Variants in PPP1R12B observed in about 807,000 individuals in gnomAD.
PPP1R12B encodes protein phosphatase 1 regulatory subunit 12B.
A neutral mutation model predicts 126.1 loss-of-function variants in PPP1R12B; 76 were observed. The ratio of observed to expected loss-of-function variants is 0.60; its 90% CI spans 0.50 to 0.73. The LOEUF (loss-of-function observed/expected upper bound fraction) is 0.73. PPP1R12B is among the 30% of genes least tolerant of loss of function. The pLI is 0.00. For missense variants in PPP1R12B, 1,052 were observed against 1,205.1 expected (o/e 0.87, Z 1.88); for synonymous variants, 356 against 434.7 (o/e 0.82, Z 2.25).
Position 202,480,292 on chromosome 1 carries a change from A to G in PPP1R12B, c.1851-8241A>G, listed in dbSNP as rs1459275088. On this transcript the variant is annotated intron_variant, in intron 13 of 23. Transcript: ENST00000608999. Reference sequence around the variant, plus strand: ...GCTAAAGAAATGATTAGTGAACTGAAAGATTGGACAGTAGAAAATATCCAG... The same window carrying G: ...GCTAAAGAAATGATTAGTGAACTGAGAGATTGGACAGTAGAAAATATCCAG... Among the ~76,000 whole-genome samples the G allele has an allele frequency of 2.0e-5, 3 of 152,208 alleles. No homozygotes were observed. In the East Asian group the frequency reaches 5.8e-4, roughly 29 times the overall value.
chr1:202,555,431 C>T (rs139956454), intron 18 of PPP1R12B, among the ~76,000 whole-genome samples: 38 of 132,656 alleles, frequency 2.9e-4, no homozygotes, highest in African/African-American at 1.0e-3. Context: ...TAAAATCTTA[C>T]CCAACAAATA....
intron 1 of PPP1R12B, among the ~76,000 whole-genome samples, chr1:202,383,095 A>C (rs1416673426): frequency 2.0e-5 from 3 of 152,218 alleles, no homozygotes; most frequent in Admixed American, 6.5e-5. Context: ...AAGTCAATTA[A>C]GTTTGCAATT....
At chr1:202,553,679 G>T (rs1477626237) in intron 18 of PPP1R12B, among the ~76,000 whole-genome samples, 6 of 152,166 alleles carry the variant, frequency 3.9e-5, no homozygotes, top group African/African-American at 1.4e-4. Flanking sequence ...CGCATTCCTA[G>T]CCTCTAAAGG....
intron 1 of PPP1R12B, among the ~76,000 whole-genome samples, chr1:202,395,591 A>G (rs1664855065): frequency 6.6e-6 from 1 of 152,194 alleles, no homozygotes; most frequent in African/African-American, 2.4e-5. Flanking sequence ...TGTCACCTAT[A>G]TCTGCTCCTC....
At chr1:202,439,188 AC>A in intron 10 of PPP1R12B, 2 of 1,527,242 alleles carry the variant, frequency 1.3e-6, no homozygotes, top group Non-Finnish European at 1.8e-6. Flanking sequence ...CTGAAGCTCG[AC>A]CACTACTGCG....
At chr1:202,353,586 T>TTTTGTGTG (rs1553260709) in intron 1 of PPP1R12B, among the ~76,000 whole-genome samples, 1 of 120,788 alleles carries the variant, frequency 8.3e-6, no homozygotes, top group African/African-American at 3.2e-5. Context: ...TTCTTCTTCT[T>TTTTGTGTG]TGTGTGTGTG....
chr1:202,395,118 A>AG (rs1664763839), intron 1 of PPP1R12B, among the ~76,000 whole-genome samples: 1 of 150,628 alleles, frequency 6.6e-6, no homozygotes, highest in Non-Finnish European at 1.5e-5. Context: ...CTCTCTCAAA[A>AG]AAAAAAAAAA....
At chr1:202,416,477 G>A (rs1309393769) in intron 1 of PPP1R12B, among the ~76,000 whole-genome samples, 1 of 138,266 alleles carries the variant, frequency 7.2e-6, no homozygotes, top group Non-Finnish European at 1.5e-5. Context: ...GGTGAGCTGA[G>A]ATCATGCCAT....
chr1:202,368,209 G>A (rs1659617996), intron 1 of PPP1R12B, among the ~76,000 whole-genome samples: 1 of 152,104 alleles, frequency 6.6e-6, no homozygotes, highest in Non-Finnish European at 1.5e-5. Context: ...GACCTCAGGT[G>A]ATCTGCCTCC....
chr1:202,384,478 C>A (rs1396267483), intron 1 of PPP1R12B, among the ~76,000 whole-genome samples: 1 of 152,098 alleles, frequency 6.6e-6, no homozygotes, highest in Non-Finnish European at 1.5e-5. Context: ...TATGATTTCA[C>A]TTATATGAAC....
chr1:202,491,767 T>C (rs12075629), intron 14 of PPP1R12B, among the ~76,000 whole-genome samples: 2,508 of 152,306 alleles, frequency 0.016, 78 homozygotes, highest in African/African-American at 0.057. Context: ...CTTGAATAGA[T>C]CTTTGAACTC....
intron 14 of PPP1R12B, among the ~76,000 whole-genome samples, chr1:202,490,414 C>T (rs1482255102): frequency 1.3e-5 from 2 of 152,148 alleles, no homozygotes; most frequent in African/African-American, 2.4e-5. Context: ...TTGTCTGTTT[C>T]CTCCATTAGA....
chr1:202,495,394 G>C lies in PPP1R12B; in HGVS notation c.2247G>C (p.Leu749=), dbSNP rs371708512. ...SRPSLYTSSH[L]LWTNRFSVPD... is the part of the protein sequence containing the mutation. ...CCTCACTCTACACCAGTTCCCACCTGCTATGGACAAATAGATTTTCAGTCC... is the reference window on the plus strand; with the variant it reads ...CCTCACTCTACACCAGTTCCCACCTCCTATGGACAAATAGATTTTCAGTCC... The change falls in exon 16 of 24, where the codon CTG becomes CTC. Residue 749 remains leucine, a synonymous_variant. Transcript: ENST00000608999. 6.2e-7 allele frequency: 1 copy of C among 1,611,352 alleles called. No individual in the cohort carries two copies. The highest frequency in any genetic ancestry group is 8.5e-7 in the Non-Finnish European group (1 of 1,178,426).
intron 1 of PPP1R12B, among the ~76,000 whole-genome samples, chr1:202,398,780 C>T (rs1337530007): frequency 6.6e-6 from 1 of 152,156 alleles, no homozygotes; most frequent in Non-Finnish European, 1.5e-5. Context: ...TAGTTAGAAT[C>T]CTGACTAGCT....
At chr1:202,389,280 C>A (rs1282757694) in intron 1 of PPP1R12B, among the ~76,000 whole-genome samples, 2 of 152,140 alleles carry the variant, frequency 1.3e-5, no homozygotes, top group African/African-American at 4.8e-5. Flanking sequence ...AAACAAATGA[C>A]AGACCAGGAA....
intron 1 of PPP1R12B, among the ~76,000 whole-genome samples, chr1:202,413,769 T>A (rs1667702957): frequency 6.6e-6 from 1 of 152,242 alleles, no homozygotes; most frequent in Non-Finnish European, 1.5e-5. Flanking sequence ...TTAATGTCTG[T>A]ATTCAATCTG....
At chr1:202,448,125 G>T (rs1672500736) in intron 12 of PPP1R12B, among the ~76,000 whole-genome samples, 1 of 151,940 alleles carries the variant, frequency 6.6e-6, no homozygotes, top group Admixed American at 6.6e-5. Flanking sequence ...GAAAAAAATA[G>T]ATTTTTAATA....
At chr1:202,355,726 CAG>C (rs1656952147) in intron 1 of PPP1R12B, among the ~76,000 whole-genome samples, 2 of 152,228 alleles carry the variant, frequency 1.3e-5, no homozygotes, top group Middle Eastern at 3.4e-3. Flanking sequence ...AATGGAGAGA[CAG>C]AGTTGAGAGA....
At chr1:202,487,219 G>C (rs926406916) in intron 13 of PPP1R12B, among the ~76,000 whole-genome samples, 4 of 152,170 alleles carry the variant, frequency 2.6e-5, no homozygotes, top group African/African-American at 9.7e-5. Flanking sequence ...AGAATAGCAT[G>C]TGATAAAGTT....
Sources: gnomAD v4.1 joint callset for allele counts (sites outside exome capture counted in the v4.1 genomes callset) on GRCh38, gnomAD v4.1.1 for gene constraint, MANE v1.5 for transcripts, NCBI Gene and HGNC (gene_info 2026-07-23, HGNC 2026-07-21) for gene names.